Variants in KLHL28 observed in about 807,000 individuals in gnomAD.
KLHL28 encodes kelch like family member 28, also known as kelch-like protein 28.
In KLHL28, 22 loss-of-function variants were observed where a neutral mutation model predicts 48.3. The observed-to-expected ratio is 0.46, with a 90% CI of 0.33 to 0.65. The LOEUF (loss-of-function observed/expected upper bound fraction) is 0.65. Among genes scored for constraint, KLHL28 ranks in the 30% least tolerant of loss-of-function variants. The pLI, the probability that KLHL28 is intolerant of heterozygous loss-of-function variation, is 0.03. For synonymous variants in KLHL28, 243 were observed against 242.4 expected, an observed-to-expected ratio of 1.00 and a Z score of -0.02; for missense variants, 527 against 704.3, an observed-to-expected ratio of 0.75 and a Z score of 2.85.
At chr14:44,947,514 T>C (rs1280671680) in intron 1 of KLHL28, among the ~76,000 whole-genome samples, 1 of 152,188 alleles carries the variant, frequency 6.6e-6, no homozygotes, top group East Asian at 1.9e-4. Flanking sequence ...ACAAAAGGAA[T>C]ACAGGTCATG....
intron 2 of KLHL28, among the ~76,000 whole-genome samples, chr14:44,937,507 G>A (rs992155847): frequency 1.3e-5 from 2 of 152,126 alleles, no homozygotes; most frequent in African/African-American, 4.8e-5. Flanking sequence ...GTTGGTATGA[G>A]AGTAAGACTT....
At chr14:44,935,381 T>G (rs935524644) in intron 2 of KLHL28, among the ~76,000 whole-genome samples, 3 of 152,198 alleles carry the variant, frequency 2.0e-5, no homozygotes, top group African/African-American at 7.2e-5. Context: ...TACTTTGTGG[T>G]AATTCACTGA....
intron 2 of KLHL28, among the ~76,000 whole-genome samples, chr14:44,938,855 G>A (rs75456773): frequency 0.048 from 7,354 of 152,150 alleles, 591 homozygotes; most frequent in African/African-American, 0.17. Context: ...ACAGGCTGAC[G>A]TTGCACACTA....
chr14:44,943,078 C>G (rs1216011674), intron 2 of KLHL28, among the ~76,000 whole-genome samples: 1 of 151,916 alleles, frequency 6.6e-6, no homozygotes, highest in African/African-American at 2.4e-5. Context: ...ATGATAGATT[C>G]TATGATAAAA....
intron 1 of KLHL28, chr14:44,960,769 C>A: frequency 5.6e-6 from 1 of 179,518 alleles, no homozygotes; most frequent in Non-Finnish European, 1.0e-5. Context: ...TACTTTAAGG[C>A]AAAAATCCAG....
intron 4 of KLHL28, among the ~76,000 whole-genome samples, chr14:44,930,140 A>C (rs1191847888): frequency 6.6e-6 from 1 of 152,216 alleles, no homozygotes; most frequent in East Asian, 1.9e-4. Flanking sequence ...CAAGGATACA[A>C]AAGAAACAAA....
intron 1 of KLHL28, among the ~76,000 whole-genome samples, chr14:44,955,786 A>AAAAT (rs761645890): frequency 2.0e-5 from 3 of 152,258 alleles, no homozygotes; most frequent in South Asian, 2.1e-4. Context: ...GCCCTGCCTC[A>AAAAT]AAATAAATAA....
rs559759375 is a variant in KLHL28 at position 44,940,956 on chromosome 14, C to T, written c.899+4074G>A. ...TTCTACCCAAAATACAAAAATTAGC[C>T]GGGTGTGGTGGCATATGCCTGTAAT... is the stretch of plus-strand genomic sequence containing the variant. On this transcript the variant is annotated intron_variant, in intron 2 of 4. Transcript: ENST00000396128. Among the ~76,000 whole-genome samples, 33 of 151,998 alleles carry T rather than the reference C, an allele frequency of 2.2e-4. 3 individuals are homozygous for T. Among genetic ancestry groups the T allele is most frequent in the Middle Eastern group, 3.4e-3 (1 of 294 alleles).
At position 44,945,123 on chromosome 14, in the gene KLHL28, G is replaced by A; in HGVS notation, c.806C>T (p.Ser269Phe). 1 of 1,614,044 alleles carries A rather than the reference G, an allele frequency of 6.2e-7. No individual in the cohort carries two copies. The highest frequency in any genetic ancestry group is 8.5e-7 in the Non-Finnish European group (1 of 1,179,920). The change falls in exon 2 of 5, where the codon TCT becomes TTT. Residue 269 changes from serine to phenylalanine, a missense_variant. Ser to Phe is a radical substitution (Grantham distance 155). Transcript: ENST00000396128. ...KYHFMPEHRLSHQTVLMTRPR... is the reference protein window; with the variant it reads ...KYHFMPEHRLFHQTVLMTRPR... ...TCGTGTCATCAAGACTGTCTGATGA[G>A]AGAGTCTATGTTCAGGCATAAAGTG... is the stretch of plus-strand genomic sequence containing the variant.
Position 44,945,936 on chromosome 14 carries a change from A to C in KLHL28, c.1-8T>G. The C allele has an allele frequency of 6.2e-7, 1 of 1,604,042 alleles. No individual in the cohort carries two copies. The highest frequency in any genetic ancestry group is 8.5e-7 in the Non-Finnish European group (1 of 1,172,742). On this transcript the variant is annotated splice_polypyrimidine_tract_variant and splice_region_variant and intron_variant, in intron 1 of 4. Transcript: ENST00000396128. ...CGGGGATGTGTGGTCCATCTACAGA[A>C]AAATAAAAAAGCATAGACAGTTATT...
At chr14:44,946,197 T>C (rs964391977) in intron 1 of KLHL28, among the ~76,000 whole-genome samples, 19 of 152,138 alleles carry the variant, frequency 1.2e-4, no homozygotes, top group African/African-American at 4.6e-4. Flanking sequence ...TCTCTGACAA[T>C]GGACTTTTGG....
chr14:44,945,684 T>G lies in KLHL28; in HGVS notation c.245A>C (p.Asp82Ala), dbSNP rs746731614. 12 of 1,614,044 alleles carry G rather than the reference T, an allele frequency of 7.4e-6. No homozygotes were observed. The highest frequency in any genetic ancestry group is 1.0e-5 in the Non-Finnish European group (12 of 1,180,012). Reference sequence around the variant, plus strand: ...CACAATGGCCTGGAGAGCAGTTTCATCAATGCATTGAAACTCAACCTCACT... The same window carrying G: ...CACAATGGCCTGGAGAGCAGTTTCAGCAATGCATTGAAACTCAACCTCACT... The part of the protein sequence containing the change: ...ENSEVEFQCI[D>A]ETALQAIVEY... The change falls in exon 2 of 5, where the codon GAT becomes GCT. Residue 82 changes from aspartate to alanine, a missense_variant. By Grantham distance (126) the Asp-to-Ala change is moderately radical. Transcript: ENST00000396128.
At position 44,926,918 on chromosome 14, in the gene KLHL28, T is replaced by G. The variant is rs1184313227; in HGVS notation, c.*2110A>C. On this transcript the variant is annotated 3_prime_UTR_variant, in exon 5 of 5. Coordinates refer to ENST00000396128, the MANE Select transcript of KLHL28 (RefSeq NM_017658.5). ...TTTGATTGCTATAAACAAAGAAAACTGAATTGGGGATTTAAAACTAAATAT... is the reference window on the plus strand; with the variant it reads ...TTTGATTGCTATAAACAAAGAAAACGGAATTGGGGATTTAAAACTAAATAT... The G allele has an allele frequency of 1.3e-5, 2 of 152,634 alleles. No homozygotes were observed. Among genetic ancestry groups the G allele is most frequent in the Non-Finnish European group, 2.9e-5 (2 of 68,026 alleles). 9.5% of individuals were successfully genotyped at this position (152,634 alleles called of 1,614,324 possible).
At chr14:44,947,184 C>T (rs1197793447) in intron 1 of KLHL28, among the ~76,000 whole-genome samples, 1 of 152,106 alleles carries the variant, frequency 6.6e-6, no homozygotes, top group Non-Finnish European at 1.5e-5. Context: ...CAGAAGGAGA[C>T]GTGACACAGA....
intron 3 of KLHL28, among the ~76,000 whole-genome samples, chr14:44,933,838 A>G (rs1883689877): frequency 6.6e-6 from 1 of 152,236 alleles, no homozygotes; most frequent in African/African-American, 2.4e-5. Context: ...CACAAAATCT[A>G]AAGTTGTCTA....
intron 1 of KLHL28, among the ~76,000 whole-genome samples, chr14:44,952,546 A>G (rs1284186990): frequency 2.0e-5 from 3 of 152,194 alleles, no homozygotes; most frequent in Non-Finnish European, 4.4e-5. Flanking sequence ...TTTTAGAGAC[A>G]GGATCTCACT....
intron 2 of KLHL28, among the ~76,000 whole-genome samples, chr14:44,939,258 T>C (rs1035343815): frequency 6.6e-6 from 1 of 152,156 alleles, no homozygotes; most frequent in African/African-American, 2.4e-5. Context: ...TCTGCCCTCC[T>C]AGTGTTCTGA....
In KLHL28 at chr14:44,934,393, T is replaced by C. The variant is rs568042374; in HGVS notation, c.1065A>G (p.Ser355=). 12 of 1,614,158 alleles carry C rather than the reference T, an allele frequency of 7.4e-6. No homozygotes were observed. In the South Asian group the frequency reaches 1.1e-4, roughly 15 times the overall value. The change falls in exon 3 of 5, where the codon TCA becomes TCG. Residue 355 remains serine, a synonymous_variant. Transcript: ENST00000396128. ...PGVTIRKHEN[S]VECWNPDTNT... ...TTGTATCAGGATTCCAGCATTCCAC[T>C]GAATTTTCATGTTTTCTGATAGTGA... is the stretch of plus-strand genomic sequence containing the variant.
At chr14:44,958,031 T>C (rs1884865243) in intron 1 of KLHL28, among the ~76,000 whole-genome samples, 1 of 151,344 alleles carries the variant, frequency 6.6e-6, no homozygotes, top group African/African-American at 2.4e-5. Context: ...TAAAAGCAGA[T>C]TTGGTATATC....
Sources: gnomAD v4.1 joint callset for allele counts (sites outside exome capture counted in the v4.1 genomes callset) on GRCh38, gnomAD v4.1.1 for gene constraint, MANE v1.5 for transcripts, NCBI Gene and HGNC (gene_info 2026-07-23, HGNC 2026-07-21) for gene names.